Variants in AP2A2 observed in about 807,000 individuals in gnomAD.
The protein encoded by AP2A2 is adaptor related protein complex 2 subunit alpha 2.
Under a neutral mutation model 104.2 loss-of-function variants are expected in AP2A2, and 32 were observed. That is an observed-to-expected ratio of 0.31 (90% CI 0.23 to 0.41). AP2A2 has a LOEUF of 0.41. AP2A2 is among the 10% of genes least tolerant of loss of function. The pLI is 1.00. For missense variants in AP2A2, 912 were observed against 1,261.0 expected, an observed-to-expected ratio of 0.72 and a Z score of 4.19; for synonymous variants, 539 against 533.3, an observed-to-expected ratio of 1.01 and a Z score of -0.15.
intron 1 of AP2A2, among the ~76,000 whole-genome samples, chr11:937,164 C>T (rs1276602535): frequency 6.6e-5 from 10 of 151,786 alleles, no homozygotes; most frequent in Non-Finnish European, 8.8e-5. Context: ...GGATTACAGG[C>T]GCCCGCCACT....
chr11:988,603 A>T lies in AP2A2; in HGVS notation c.1183A>T (p.Met395Leu), dbSNP rs760392178. 12 of 1,613,430 alleles carry T rather than the reference A, an allele frequency of 7.4e-6. No homozygotes were observed. Among genetic ancestry groups the T allele is most frequent in the Non-Finnish European group, 1.0e-5 (12 of 1,179,880 alleles). Residue 395 changes from methionine to leucine, a missense_variant, in exon 10 of 22, where the codon ATG (methionine) becomes TTG (leucine). Around this residue, in one of 7 missense-constraint regions of AP2A2, gnomAD observed 350 missense variants for 487.0 expected, o/e 0.72. Coordinates refer to ENST00000448903, the MANE Select transcript of AP2A2 (RefSeq NM_012305.4). ...GCGGGCCGTGGACCTCCTCTACGCC[A>T]TGTGCGACCGCAGCAACGCCCCACA... is the stretch of plus-strand genomic sequence containing the variant. ...RQRAVDLLYAMCDRSNAPQIV... is the reference protein window; with the variant it reads ...RQRAVDLLYALCDRSNAPQIV...
chr11:974,701 A>AAG (rs1854960448), intron 4 of AP2A2, among the ~76,000 whole-genome samples: 1 of 149,360 alleles, frequency 6.7e-6, no homozygotes, highest in South Asian at 2.1e-4. Flanking sequence ...AAAAAAAAAA[A>AAG]GAAAGCTGGG....
chr11:994,433 T>C (rs1189827453), intron 14 of AP2A2, among the ~76,000 whole-genome samples, 188 bp downstream of exon 14: 173 of 109,548 alleles, frequency 1.6e-3, no homozygotes, highest in East Asian at 4.8e-3. Flanking sequence ...TGTCCTGTCC[T>C]GGGGGCCACT....
intron 16 of AP2A2, among the ~76,000 whole-genome samples, chr11:1,005,407 G>A (rs1046065089): frequency 6.6e-6 from 1 of 152,226 alleles, no homozygotes; most frequent in Non-Finnish European, 1.5e-5. Context: ...TCTGGAGATG[G>A]TGGTGGTGGC....
chr11:1,010,909 A>T lies in AP2A2; in HGVS notation c.*284A>T. 1 of 677,058 alleles carries T rather than the reference A, an allele frequency of 1.5e-6. No individual in the cohort carries two copies. The highest frequency in any genetic ancestry group is 2.7e-6 in the Non-Finnish European group (1 of 375,904). 41.9% of individuals were successfully genotyped at this position (677,058 alleles called of 1,614,324 possible). ...TTCTGTGGTTAAATCTACAAATTAA[A>T]GGGAAATTAGAAGTTGGCGTGAACG... On this transcript the variant is annotated 3_prime_UTR_variant, in exon 22 of 22. Transcript: ENST00000448903.
At chr11:982,719 C>T (rs1299315399) in intron 6 of AP2A2, among the ~76,000 whole-genome samples, 5 of 150,900 alleles carry the variant, frequency 3.3e-5, no homozygotes, top group South Asian at 2.1e-4. Flanking sequence ...GGTACGATCT[C>T]GGCTCACCAT....
intron 1 of AP2A2, among the ~76,000 whole-genome samples, chr11:941,520 G>C (rs1853642307): frequency 1.3e-5 from 2 of 151,588 alleles, no homozygotes; most frequent in African/African-American, 4.8e-5. Flanking sequence ...GGCCTCAAGT[G>C]ATTCTCTTGT....
chr11:974,175 C>T (rs1854933466), intron 4 of AP2A2, among the ~76,000 whole-genome samples: 1 of 150,856 alleles, frequency 6.6e-6, no homozygotes, highest in Admixed American at 6.6e-5. Flanking sequence ...CCTGAGTGGT[C>T]CCATGAAGGG....
intron 4 of AP2A2, among the ~76,000 whole-genome samples, chr11:975,306 A>G (rs796462370): frequency 1.3e-3 from 158 of 122,156 alleles, no homozygotes; most frequent in Middle Eastern, 6.2e-3. Flanking sequence ...GGAGAGTAGC[A>G]GTGGGGTCCT....
At chr11:948,339 T>C (rs953653993) in intron 1 of AP2A2, 2 of 152,190 alleles carry the variant, frequency 1.3e-5, no homozygotes, top group Non-Finnish European at 2.9e-5. Context: ...TAACAAAATA[T>C]TAGATAACTT....
intron 2 of AP2A2, among the ~76,000 whole-genome samples, chr11:963,624 A>G (rs1031831672): frequency 2.0e-5 from 3 of 152,072 alleles, no homozygotes; most frequent in African/African-American, 4.8e-5. Context: ...CAGTTGATCA[A>G]TTGATTGATC....
At chr11:1,004,345 T>A (rs528607712) in intron 16 of AP2A2, among the ~76,000 whole-genome samples, 85 of 152,280 alleles carry the variant, frequency 5.6e-4, no homozygotes, top group African/African-American at 2.0e-3. Flanking sequence ...TAGTGGTGTG[T>A]GCCTGTGGTC....
chr11:926,209 G>A (rs1853116022), intron 1 of AP2A2, 121 bp downstream of exon 1: 2 of 630,492 alleles, frequency 3.2e-6, no homozygotes, highest in Non-Finnish European at 4.4e-6. Context: ...GGCGGGGCCC[G>A]GGGCCTGAGG....
intron 13 of AP2A2, 41 bp from the exon 14 acceptor site, chr11:994,031 G>A (rs371939442): frequency 2.9e-4 from 469 of 1,609,174 alleles, no homozygotes; most frequent in Non-Finnish European, 3.8e-4. Flanking sequence ...AGGGTTGGAG[G>A]CCAGGAGCTC....
At chr11:977,067 C>G (rs779961122) in intron 4 of AP2A2, 28 bp from the exon 5 acceptor site, 3 of 1,612,486 alleles carry the variant, frequency 1.9e-6, no homozygotes, top group African/African-American at 2.7e-5. Flanking sequence ...CAGCCTGTTG[C>G]GAGTGACTCT....
Position 968,686 on chromosome 11 carries a change from G to A in AP2A2, c.137-1483G>A, listed in dbSNP as rs1031356802. On this transcript the variant is annotated intron_variant, in intron 2 of 21. Coordinates refer to ENST00000448903, the MANE Select transcript of AP2A2 (RefSeq NM_012305.4). This position sits in a 1 kb window ranked among gnomAD's most constrained non-coding sequence, Gnocchi z 4.2. Reference sequence around the variant, plus strand: ...CTTCCCAGTGGAGGATCTCTGCTGCGCAGCCCGTGCTCAGCTGTGTGTGCC... The same window carrying A: ...CTTCCCAGTGGAGGATCTCTGCTGCACAGCCCGTGCTCAGCTGTGTGTGCC... 3.3e-5 allele frequency among the ~76,000 whole-genome samples: 5 copies of A among 151,914 alleles called. No individual in the cohort carries two copies. Among genetic ancestry groups the A allele is most frequent in the Non-Finnish European group, 5.9e-5 (4 of 67,990 alleles).
chr11:1,010,638 A>G lies in AP2A2; in HGVS notation c.*13A>G, dbSNP rs762827899. ...AGCGCAGTTTTAGTCCTGAGGATGG[A>G]AGACCAGGCTCGTGTGTCTTGTGTT... On this transcript the variant is annotated 3_prime_UTR_variant, in exon 22 of 22. Transcript: ENST00000448903. 6.3e-7 allele frequency: 1 copy of G among 1,579,802 alleles called. No individual in the cohort carries two copies. Among genetic ancestry groups the G allele is most frequent in the Non-Finnish European group, 8.6e-7 (1 of 1,161,106 alleles).
Position 977,136 on chromosome 11 carries a change from T to C in AP2A2, c.515T>C (p.Leu172Ser). Residue 172 changes from leucine (L) to serine (S), a missense_variant, in exon 5 of 22, where the codon TTG (leucine) becomes TCG (serine). Leu to Ser is a moderately radical substitution (Grantham distance 145). Transcript: ENST00000448903. Reference sequence around the variant, plus strand: ...GTGAAGCAGAGCGCGGCCCTGTGCTTGCTGCGCCTGTACAGGACGTCCCCC... The same window carrying C: ...GTGAAGCAGAGCGCGGCCCTGTGCTCGCTGCGCCTGTACAGGACGTCCCCC... ...DSVKQSAALCLLRLYRTSPDL... is the reference protein window; with the variant it reads ...DSVKQSAALCSLRLYRTSPDL... 1 of 1,613,822 alleles carries C rather than the reference T, an allele frequency of 6.2e-7. No homozygotes were observed. Among genetic ancestry groups the C allele is most frequent in the Non-Finnish European group, 8.5e-7 (1 of 1,179,816 alleles).
At chr11:944,537 T>C (rs1853768574) in intron 1 of AP2A2, among the ~76,000 whole-genome samples, 1 of 151,992 alleles carries the variant, frequency 6.6e-6, no homozygotes, top group Non-Finnish European at 1.5e-5. Context: ...TTCTAGTGGA[T>C]AGAGATCGAA....
Sources: allele counts gnomAD v4.1 joint callset (sites outside exome capture counted in the v4.1 genomes callset), GRCh38; gene constraint gnomAD v4.1.1; regional missense constraint gnomAD v4.1.1; non-coding constraint Gnocchi (gnomAD v3.1); transcripts MANE v1.5; gene names NCBI Gene and HGNC (gene_info 2026-07-23, HGNC 2026-07-21).